The following NDUFC1 variants were observed in gnomAD, a reference collection of about 807,000 sequenced individuals.
NDUFC1 encodes the protein NADH dehydrogenase [ubiquinone] 1 subunit C1, mitochondrial.
A neutral mutation model predicts 11.6 loss-of-function variants in NDUFC1; 11 were observed. The observed-to-expected ratio is 0.95, with a 90% confidence interval of 0.60 to 1.58. The LOEUF (loss-of-function observed/expected upper bound fraction) is 1.58, where lower values mean the gene tolerates loss of function less well. Among genes scored for constraint, NDUFC1 ranks in the 40% most tolerant of loss-of-function variants. NDUFC1 has a pLI of 0.00. For missense variants in NDUFC1, 112 were observed against 93.0 expected (o/e 1.20, Z -0.84); for synonymous variants, 52 against 42.2 (o/e 1.23, Z -0.90).
Position 139,295,760 on chromosome 4 carries a change from C to A in NDUFC1, c.39G>T (p.Leu13=), listed in dbSNP as rs766474124. The A allele has an allele frequency of 2.8e-5, 43 of 1,553,030 alleles. 1 individual carries two copies. The African/African-American group carries it at 3.9e-4, about 14-fold the overall frequency. ...CGCTCGGGAGCCTGGCGGGGGCCAGCAGCCGGGAAAGGGGACGCAGCAAGG... is the reference window on the plus strand; with the variant it reads ...CGCTCGGGAGCCTGGCGGGGGCCAGAAGCCGGGAAAGGGGACGCAGCAAGG... ...PSALLRPLSR[L]LAPARLPSGP... The change falls in exon 3 of 6, where the codon CTG becomes CTT. Residue 13 remains leucine, a synonymous_variant. Transcript: ENST00000394223.
In NDUFC1 at chr4:139,295,863, G is replaced by C. The variant is rs1170356254; in HGVS notation, c.-65C>G. 10 of 1,507,420 alleles carry C rather than the reference G, an allele frequency of 6.6e-6. No homozygotes were observed. Among genetic ancestry groups the C allele is most frequent in the Non-Finnish European group, 8.9e-6 (10 of 1,118,484 alleles). 93.4% of individuals were successfully genotyped at this position (1,507,420 alleles called of 1,614,324 possible). ...AACCAGCGCCACCTGGCGGCCGGAAGTGCGGGACTCGAGGGCTCTGCAGCA... is the reference window on the plus strand; with the variant it reads ...AACCAGCGCCACCTGGCGGCCGGAACTGCGGGACTCGAGGGCTCTGCAGCA... On this transcript the variant is annotated 5_prime_UTR_variant, in exon 3 of 6. Coordinates refer to ENST00000394223, the MANE Select transcript of NDUFC1 (RefSeq NM_001184989.2).
At chr4:139,298,886 G>T (rs900382405) in intron 1 of NDUFC1, among the ~76,000 whole-genome samples, 11 of 151,888 alleles carry the variant, frequency 7.2e-5, no homozygotes, top group African/African-American at 2.7e-4. Flanking sequence ...TGTTGCCCAG[G>T]TTGGTCTCAA....
intron 2 of NDUFC1, chr4:139,296,384 G>A (rs1266742815): frequency 6.6e-6 from 1 of 152,512 alleles, no homozygotes; most frequent in Non-Finnish European, 1.5e-5. Flanking sequence ...AGTAGAATTA[G>A]TGCCTTAGGT....
intron 1 of NDUFC1, among the ~76,000 whole-genome samples, chr4:139,300,272 C>T (rs1449978380): frequency 1.3e-5 from 2 of 152,146 alleles, no homozygotes; most frequent in African/African-American, 2.4e-5. Flanking sequence ...TTATTTATGA[C>T]CCCGGTGAAG....
chr4:139,300,071 T>C (rs1745646454), intron 1 of NDUFC1, among the ~76,000 whole-genome samples: 1 of 152,204 alleles, frequency 6.6e-6, no homozygotes. Context: ...GGGCAGTGAA[T>C]TTTGCAGGTT....
In NDUFC1 at chr4:139,291,176, A is replaced by T. The variant is rs148033287; in HGVS notation, c.*21-1084T>A. 2.5e-3 allele frequency among the ~76,000 whole-genome samples: 377 copies of T among 151,998 alleles called. 2 individuals carry two copies. Among genetic ancestry groups the T allele is most frequent in the African/African-American group, 8.4e-3 (347 of 41,488 alleles). ...CTCTTTTAAATCACAGACCATGCAG[A>T]ATAAACTATCTTGTTCATAACTAGG... On this transcript the variant is annotated intron_variant, in intron 5 of 5. Coordinates refer to ENST00000394223, the MANE Select transcript of NDUFC1 (RefSeq NM_001184989.2).
At chr4:139,299,794 C>G (rs2110788206) in intron 1 of NDUFC1, among the ~76,000 whole-genome samples, 1 of 152,282 alleles carries the variant, frequency 6.6e-6, no homozygotes, top group Middle Eastern at 3.4e-3. Context: ...CTATTTCTGG[C>G]TCATCTAATC....
At chr4:139,294,248 A>C (rs188397123) in intron 4 of NDUFC1, among the ~76,000 whole-genome samples, 2 of 151,722 alleles carry the variant, frequency 1.3e-5, no homozygotes, top group African/African-American at 4.8e-5. Flanking sequence ...CGGCCTGAAA[A>C]TTTTTTTAAA....
Position 139,292,535 on chromosome 4 carries a change from T to A in NDUFC1, c.*15A>T. 6.8e-7 allele frequency: 1 copy of A among 1,462,118 alleles called. No homozygotes were observed. The highest frequency in any genetic ancestry group is 1.2e-5 in the South Asian group (1 of 82,486). The allele number at this position is 1,462,118 out of a possible 1,614,324, so 90.6% of individuals were successfully genotyped here. A position where few individuals can be genotyped will look rare whatever the true frequency, so the allele number is the denominator to read the frequency against. ...CAATAAGCTTGTATACTTACTACAT[T>A]AGTGTTTCAAAAGTTTATTCCAGCC... On this transcript the variant is annotated 3_prime_UTR_variant, in exon 5 of 6. Coordinates refer to ENST00000394223, the MANE Select transcript of NDUFC1 (RefSeq NM_001184989.2).
intron 1 of NDUFC1, among the ~76,000 whole-genome samples, chr4:139,298,976 GTT>G (rs954814980): frequency 6.8e-6 from 1 of 146,754 alleles, no homozygotes; most frequent in African/African-American, 2.5e-5. Flanking sequence ...CCTGGCCTAT[GTT>G]TTTTTTTTTG....
intron 2 of NDUFC1, among the ~76,000 whole-genome samples, chr4:139,296,622 T>C (rs185318544): frequency 4.6e-4 from 70 of 152,338 alleles, no homozygotes; most frequent in African/African-American, 1.5e-3. Flanking sequence ...ATAAAACCTA[T>C]AGGGTTGCTG....
At chr4:139,301,393 C>T (rs931175669) in intron 1 of NDUFC1, 1 of 425,904 alleles carries the variant, frequency 2.3e-6, no homozygotes, top group African/African-American at 2.0e-5. Context: ...AGGCCAGCCT[C>T]CAGGTTTCCC....
intron 1 of NDUFC1, chr4:139,301,893 C>G (rs965089349): frequency 2.2e-5 from 34 of 1,521,924 alleles, no homozygotes; most frequent in Non-Finnish European, 2.9e-5. Flanking sequence ...GCCTGTCACC[C>G]CTAACCTCGG....
intron 1 of NDUFC1, chr4:139,301,721 G>T (rs1403364089): frequency 1.3e-6 from 2 of 1,525,052 alleles, no homozygotes; most frequent in South Asian, 1.2e-5. Context: ...GGCGGCGGTC[G>T]GACAAACTGA....
rs1183430133 is a variant in NDUFC1 at position 139,295,040 on chromosome 4, T to G, written c.171+3A>C. On this transcript the variant is annotated splice_donor_region_variant and intron_variant, in intron 4 of 5. Transcript: ENST00000394223. ...TCACGACATCCGGGAGTAAAGTACT[T>G]ACATAGATCCACAAGAAGACAGTGG... The G allele has an allele frequency of 2.5e-6, 4 of 1,611,872 alleles. No individual in the cohort carries two copies. Among genetic ancestry groups the G allele is most frequent in the Non-Finnish European group, 3.4e-6 (4 of 1,178,360 alleles).
At chr4:139,295,580 G>A (rs1485441179) in intron 3 of NDUFC1, 152 bp downstream of exon 3, 1 of 763,846 alleles carries the variant, frequency 1.3e-6, no homozygotes, top group Non-Finnish European at 2.1e-6. Context: ...CCTGCGTAGG[G>A]GACAGGCGTG....
intron 1 of NDUFC1, chr4:139,301,329 C>A: frequency 2.5e-6 from 1 of 401,450 alleles, no homozygotes; most frequent in South Asian, 9.6e-5. Context: ...TCGAGGGTAC[C>A]ACGCACTGAA....
intron 3 of NDUFC1, 43 bp downstream of exon 3, chr4:139,295,689 G>T: frequency 6.5e-7 from 1 of 1,529,192 alleles, no homozygotes; most frequent in Non-Finnish European, 8.8e-7. Context: ...CTTAGGAGGG[G>T]TAATCTGAGG....
intron 5 of NDUFC1, among the ~76,000 whole-genome samples, chr4:139,290,715 C>T (rs910601225): frequency 6.8e-6 from 1 of 147,210 alleles, no homozygotes; most frequent in Non-Finnish European, 1.5e-5. Context: ...CAGAAATACA[C>T]CATATATATA....
Sources: allele counts gnomAD v4.1 joint callset (sites outside exome capture counted in the v4.1 genomes callset), GRCh38; gene constraint gnomAD v4.1.1; transcripts MANE v1.5; gene names NCBI Gene and HGNC (gene_info 2026-07-23, HGNC 2026-07-21).